The following TST variants were observed in gnomAD, a reference collection of about 807,000 sequenced individuals.
TST encodes the protein epididymis secretory sperm binding protein.
TST carries 22 observed loss-of-function variants against 20.4 expected under a neutral mutation model. That is an observed-to-expected ratio of 1.08 (90% CI 0.77 to 1.54). The LOEUF is 1.54. Ranked by LOEUF, TST falls within the 40% of genes most tolerant of loss-of-function variation. TST has a pLI of 0.00. For synonymous variants in TST, 187 were observed against 173.8 expected (o/e 1.08, Z -0.60); for missense variants, 392 against 405.2 (o/e 0.97, Z 0.28).
At chr22:37,017,164 G>T (rs1337955965) in intron 2 of TST, among the ~76,000 whole-genome samples, 1 of 152,216 alleles carries the variant, frequency 6.6e-6, no homozygotes, top group African/African-American at 2.4e-5. Context: ...CAGCAGGAGT[G>T]ATGGCAGCGA....
At chr22:37,012,868 C>T (rs1012618387) in intron 2 of TST, among the ~76,000 whole-genome samples, 1 of 152,124 alleles carries the variant, frequency 6.6e-6, no homozygotes, top group Non-Finnish European at 1.5e-5. Context: ...TGGTGAAAAC[C>T]CGTCTCTACT....
chr22:37,017,976 A>G (rs1237630679), intron 2 of TST, among the ~76,000 whole-genome samples, 162 bp downstream of exon 2: 1 of 152,064 alleles, frequency 6.6e-6, no homozygotes, highest in South Asian at 2.1e-4. Context: ...AAAAGCCTTT[A>G]GGTTTGTCTC....
intron 2 of TST, among the ~76,000 whole-genome samples, chr22:37,016,406 C>T (rs1922682899): frequency 6.6e-6 from 1 of 152,056 alleles, no homozygotes; most frequent in African/African-American, 2.4e-5. Context: ...CCTGATGCTC[C>T]TGAGGGAAAC....
chr22:37,016,907 T>C lies in TST; in HGVS notation c.595+1231A>G, dbSNP rs1381170873. ...TGCCTCTGTGCACCTCAGTCTCCCC[T>C]CTGTCAGGTGAGGTCACCGTTCAGG... On this transcript the variant is annotated intron_variant, in intron 2 of 2. Coordinates refer to ENST00000249042, the MANE Select transcript of TST (RefSeq NM_003312.6). 3.9e-5 allele frequency among the ~76,000 whole-genome samples: 6 copies of C among 152,356 alleles called. 1 individual carries two copies. The East Asian group carries it at 7.7e-4, about 20-fold the overall frequency.
chr22:37,016,663 C>A (rs954463287), intron 2 of TST, among the ~76,000 whole-genome samples: 6 of 152,106 alleles, frequency 3.9e-5, no homozygotes, highest in African/African-American at 1.4e-4. Flanking sequence ...GCTTAAATCC[C>A]AAGGAGAAGA....
chr22:37,012,892 A>T (rs1922531878), intron 2 of TST, among the ~76,000 whole-genome samples: 1 of 152,172 alleles, frequency 6.6e-6, no homozygotes, highest in African/African-American at 2.4e-5. Context: ...GATATAAAAA[A>T]TTAGCCGGGT....
upstream of TST, chr22:37,019,773 A>T (rs1922907439): frequency 1.4e-6 from 1 of 727,542 alleles, no homozygotes. Flanking sequence ...GGTCCGCTGC[A>T]GGTTGGTGGC....
rs1922462790 is a variant in TST at position 37,011,191 on chromosome 22, G to C, written c.730C>G (p.Leu244Val). ...ACTCCCTTGCGGCACGTGGCAATGA[G>C]AGGCTGCGAGAGATCCACCTTCTTG... ...QTKKVDLSQP[L>V]IATCRKGVTA... The change falls in exon 3 of 3, where the codon CTC becomes GTC. Residue 244 changes from leucine to valine, a missense_variant. Physicochemically the swap from Leu to Val is conservative, Grantham distance 32. Transcript: ENST00000249042. 6.2e-7 allele frequency: 1 copy of C among 1,613,840 alleles called. No individual in the cohort carries two copies. The highest frequency in any genetic ancestry group is 8.5e-7 in the Non-Finnish European group (1 of 1,180,002).
At chr22:37,017,038 C>T (rs1161549384) in intron 2 of TST, among the ~76,000 whole-genome samples, 2 of 152,158 alleles carry the variant, frequency 1.3e-5, no homozygotes, top group African/African-American at 2.4e-5. Flanking sequence ...ATGTTGCACA[C>T]GAGTTAGATT....
rs200382611 is a variant in TST at position 37,018,683 on chromosome 22, G to C, written c.50C>G (p.Ala17Gly). 2.0e-6 allele frequency: 3 copies of C among 1,523,172 alleles called. No homozygotes were observed. Among genetic ancestry groups the C allele is most frequent in the East Asian group, 2.4e-5 (1 of 42,362 alleles). The allele number at this position is 1,523,172 out of a possible 1,614,324, so 94.4% of individuals were successfully genotyped here. A position where few individuals can be genotyped will look rare whatever the true frequency, so the allele number is the denominator to read the frequency against. The change falls in exon 2 of 3, where the codon GCG becomes GGG. Residue 17 changes from alanine (A) to glycine (G), a missense_variant. Ala to Gly is a moderately conservative substitution (Grantham distance 60). Transcript: ENST00000249042. ...YRALVSTKWL[A>G]ESIRTGKLGP... is the part of the protein sequence containing the mutation. The stretch of plus-strand genomic sequence containing the variant: ...CAGCTTGCCAGTCCTGATGGACTCC[G>C]CCAGCCACTTGGTGGAGACCAGCGC...
rs374922363 is a variant in TST at position 37,016,273 on chromosome 22, C to T, written c.595+1865G>A. On this transcript the variant is annotated intron_variant, in intron 2 of 2. Transcript: ENST00000249042. ...ACTGCTACATTTAAACAAATGCATA[C>T]TCATGTGGGTAGGGCTGGCGTGACT... Among the ~76,000 whole-genome samples, 176 of 152,134 alleles carry T rather than the reference C, an allele frequency of 1.2e-3. 2 individuals are homozygous for T. In the East Asian group the frequency reaches 0.022, roughly 19 times the overall value.
At position 37,011,304 on chromosome 22, in the gene TST, CG is replaced by C; in HGVS notation, c.616del (p.Arg206ValfsTer12). 1 of 1,612,930 alleles carries C rather than the reference CG, an allele frequency of 6.2e-7. No individual in the cohort carries two copies. The highest frequency in any genetic ancestry group is 1.1e-5 in the South Asian group (1 of 91,062). On this transcript the variant is annotated frameshift_variant, in exon 3 of 3. Transcript: ENST00000249042. LOFTEE classifies it high-confidence loss of function. ...DAVGLDSGHIRGAVNMPFMDF... is the reference protein window; with the variant it reads ...DAVGLDSGHIXGAVNMPFMDF... ...CATGAAAGGCATGTTGACGGCACCACGGATATGGCCCGAGTCCAGTCCTGGG... is the reference window on the plus strand; with the variant it reads ...CATGAAAGGCATGTTGACGGCACCACGATATGGCCCGAGTCCAGTCCTGGG...
chr22:37,016,145 C>T (rs1922673238), intron 2 of TST, among the ~76,000 whole-genome samples: 1 of 151,672 alleles, frequency 6.6e-6, no homozygotes. Flanking sequence ...CGGGGTTTCA[C>T]CATGTTGGTC....
intron 2 of TST, among the ~76,000 whole-genome samples, chr22:37,011,587 G>A (rs1922483346): frequency 6.6e-6 from 1 of 152,188 alleles, no homozygotes; most frequent in Non-Finnish European, 1.5e-5. Flanking sequence ...ACAGCGGCAT[G>A]AGTCTCAGCT....
At chr22:37,019,728 C>G (rs1922900246), upstream of TST, 17 of 463,760 alleles carry the variant, frequency 3.7e-5, no homozygotes, top group Non-Finnish European at 4.8e-5. Flanking sequence ...TCCGAGTGGC[C>G]GCGGCGGTGG....
chr22:37,011,290 T>G lies in TST; in HGVS notation c.631A>C (p.Met211Leu), dbSNP rs375907649. 89 of 1,613,480 alleles carry G rather than the reference T, an allele frequency of 5.5e-5. No individual in the cohort carries two copies. Among genetic ancestry groups the G allele is most frequent in the East Asian group, 5.1e-4 (23 of 44,852 alleles). Residue 211 changes from methionine to leucine, a missense_variant, in exon 3 of 3, where the codon ATG becomes CTG. Met to Leu is a conservative substitution (Grantham distance 15). Transcript: ENST00000249042. ...TCAGTCAGGAAGTCCATGAAAGGCATGTTGACGGCACCACGGATATGGCCC... is the reference window on the plus strand; with the variant it reads ...TCAGTCAGGAAGTCCATGAAAGGCAGGTTGACGGCACCACGGATATGGCCC... The part of the protein sequence containing the change: ...DSGHIRGAVN[M>L]PFMDFLTEDG...
chr22:37,011,958 T>C (rs1002730722), intron 2 of TST, among the ~76,000 whole-genome samples: 6 of 152,246 alleles, frequency 3.9e-5, no homozygotes, highest in Non-Finnish European at 8.8e-5. Flanking sequence ...CCTCTGGTTT[T>C]CTGTTAAGCA....
In TST at chr22:37,011,810, C is replaced by T. The variant is rs552298551; in HGVS notation, c.596-485G>A. Among the ~76,000 whole-genome samples the T allele has an allele frequency of 7.9e-5, 12 of 152,336 alleles. No homozygotes were observed. In the East Asian group the frequency reaches 2.3e-3, roughly 29 times the overall value. On this transcript the variant is annotated intron_variant, in intron 2 of 2. Coordinates refer to ENST00000249042, the MANE Select transcript of TST (RefSeq NM_003312.6). ...GGAGATTCCAGTCTAACAAGAAAGG[C>T]AGATGCTAAACAGATAACCACATAA...
chr22:37,015,693 GC>G (rs1227493559), intron 2 of TST, among the ~76,000 whole-genome samples: 3 of 152,196 alleles, frequency 2.0e-5, no homozygotes, highest in Non-Finnish European at 4.4e-5. Flanking sequence ...CCCCAGGTCT[GC>G]CACCCCCATG....
Sources: gnomAD v4.1 joint callset for allele counts (sites outside exome capture counted in the v4.1 genomes callset) on GRCh38, gnomAD v4.1.1 for gene constraint, MANE v1.5 for transcripts, NCBI Gene and HGNC (gene_info 2026-07-23, HGNC 2026-07-21) for gene names.